Variants in COLEC12 observed in about 807,000 individuals in gnomAD.
COLEC12 encodes the protein collectin subfamily member 12, also known as collectin-12.
In COLEC12, 33 loss-of-function variants were observed where a neutral mutation model predicts 71.1. The ratio of observed to expected loss-of-function variants is 0.46; its 90% confidence interval spans 0.35 to 0.62. The LOEUF is 0.62. Among genes scored for constraint, COLEC12 ranks in the 20% least tolerant of loss-of-function variants. COLEC12 has a pLI of 0.00. For missense variants in COLEC12, 765 were observed against 916.1 expected, an observed-to-expected ratio of 0.84 and a Z score of 2.13; for synonymous variants, 350 against 353.0, an observed-to-expected ratio of 0.99 and a Z score of 0.10.
At chr18:391,339 C>T (rs1390013197) in intron 2 of COLEC12, among the ~76,000 whole-genome samples, 3 of 152,194 alleles carry the variant, frequency 2.0e-5, no homozygotes, top group Non-Finnish European at 4.4e-5. Flanking sequence ...CAGGAAAGAA[C>T]ATTTTACCCT....
intron 2 of COLEC12, among the ~76,000 whole-genome samples, chr18:446,179 A>T (rs910956334): frequency 6.6e-6 from 1 of 152,148 alleles, no homozygotes; most frequent in African/African-American, 2.4e-5. Context: ...CACTCTTATG[A>T]ATAATGCTGT....
intron 2 of COLEC12, among the ~76,000 whole-genome samples, chr18:422,713 C>T (rs537297530): frequency 1.3e-4 from 20 of 152,206 alleles, no homozygotes; most frequent in Non-Finnish European, 2.5e-4. Flanking sequence ...CGTGCACACA[C>T]ACAGAACCTA....
rs1306704171 is a variant in COLEC12 at position 316,836 on chromosome 18, T to C, written c.*3209A>G. On this transcript the variant is annotated 3_prime_UTR_variant, in exon 10 of 10. Transcript: ENST00000400256. Reference sequence around the variant, plus strand: ...AAAAACATTTTCTATCTTCTCATAGTAGTAAGTAGCAACTCAGGTGCCTGA... The same window carrying C: ...AAAAACATTTTCTATCTTCTCATAGCAGTAAGTAGCAACTCAGGTGCCTGA... 1 of 152,178 alleles carries C rather than the reference T, an allele frequency of 6.6e-6. No individual in the cohort carries two copies. The highest frequency in any genetic ancestry group is 1.5e-5 in the Non-Finnish European group (1 of 68,028). 9.4% of individuals were successfully genotyped at this position (152,178 alleles called of 1,614,324 possible).
At chr18:460,505 A>G (rs536455287) in intron 2 of COLEC12, among the ~76,000 whole-genome samples, 5 of 152,296 alleles carry the variant, frequency 3.3e-5, no homozygotes, top group African/African-American at 1.2e-4. Context: ...GTTTTGAATC[A>G]TGATATCACT....
At chr18:392,982 G>C (rs1567894437) in intron 2 of COLEC12, among the ~76,000 whole-genome samples, 1 of 152,210 alleles carries the variant, frequency 6.6e-6, no homozygotes, top group Non-Finnish European at 1.5e-5. Context: ...TGCTTTTTAA[G>C]AGCCCTGTTG....
intron 2 of COLEC12, among the ~76,000 whole-genome samples, chr18:364,947 C>T (rs528193142): frequency 2.6e-5 from 4 of 152,072 alleles, no homozygotes; most frequent in African/African-American, 9.6e-5. Flanking sequence ...GGAGTTGAAC[C>T]CAAATCTTTT....
rs554655331 is a variant in COLEC12 at position 460,896 on chromosome 18, A to G, written c.58+19811T>C. ...GAGGGTCAGAGAAGCGCCGTATCCA[A>G]TTATCACAGGACTTTGCTTTAATGT... On this transcript the variant is annotated intron_variant, in intron 2 of 9. Transcript: ENST00000400256. Among the ~76,000 whole-genome samples the G allele has an allele frequency of 3.3e-5, 5 of 152,314 alleles. No individual in the cohort carries two copies. The South Asian group carries it at 1.0e-3, about 32-fold the overall frequency.
In COLEC12 at chr18:327,981, G is replaced by C. The variant is rs1168770033; in HGVS notation, c.2063+3687C>G. Reference sequence around the variant, plus strand: ...CAATCTCCTTCTTTGTTATTAGGCTGGCCAGGCTATTTCTTCCTTTTTTTT... The same window carrying C: ...CAATCTCCTTCTTTGTTATTAGGCTCGCCAGGCTATTTCTTCCTTTTTTTT... On this transcript the variant is annotated intron_variant, in intron 8 of 9. Coordinates refer to ENST00000400256, the MANE Select transcript of COLEC12 (RefSeq NM_130386.3). This position sits in a 1 kb window ranked among gnomAD's most constrained non-coding sequence, Gnocchi z 4.0. Among the ~76,000 whole-genome samples the C allele has an allele frequency of 6.6e-6, 1 of 152,062 alleles. No individual in the cohort carries two copies. Among genetic ancestry groups the C allele is most frequent in the Non-Finnish European group, 1.5e-5 (1 of 68,006 alleles).
intron 2 of COLEC12, among the ~76,000 whole-genome samples, chr18:432,250 A>T (rs188767491): frequency 5.9e-5 from 9 of 152,228 alleles, no homozygotes; most frequent in Non-Finnish European, 1.5e-5. Context: ...TACATTAAGG[A>T]TCTAGCTCTG....
intron 2 of COLEC12, among the ~76,000 whole-genome samples, chr18:466,798 G>A (rs762336855): frequency 6.6e-6 from 1 of 152,148 alleles, no homozygotes; most frequent in Non-Finnish European, 1.5e-5. Context: ...TATGCAAGGA[G>A]CTGCTCACTC....
intron 2 of COLEC12, among the ~76,000 whole-genome samples, chr18:400,371 AGAG>A: frequency 6.6e-6 from 1 of 152,334 alleles, no homozygotes; most frequent in South Asian, 2.1e-4. Context: ...TTAAGGGAAA[AGAG>A]GGCCCAAGGC....
At position 397,593 on chromosome 18, in the gene COLEC12, A is replaced by T. The variant is rs1040500426; in HGVS notation, c.59-40071T>A. On this transcript the variant is annotated intron_variant, in intron 2 of 9. Transcript: ENST00000400256. ...CTGGCAAAGAGCTTTTGGGAAGGGGAGCAGAAGTGCTACCTTTGCTGTTTT... is the reference window on the plus strand; with the variant it reads ...CTGGCAAAGAGCTTTTGGGAAGGGGTGCAGAAGTGCTACCTTTGCTGTTTT... 5.9e-5 allele frequency among the ~76,000 whole-genome samples: 9 copies of T among 152,116 alleles called. 1 individual carries two copies. The highest frequency in any genetic ancestry group is 2.2e-4 in the African/African-American group (9 of 41,478).
At chr18:431,499 C>T (rs1028174561) in intron 2 of COLEC12, among the ~76,000 whole-genome samples, 1 of 152,212 alleles carries the variant, frequency 6.6e-6, no homozygotes, top group African/African-American at 2.4e-5. Context: ...AATGAATAAC[C>T]TATAGACTGC....
intron 2 of COLEC12, among the ~76,000 whole-genome samples, chr18:429,736 A>C (rs1916265573): frequency 6.6e-6 from 1 of 152,196 alleles, no homozygotes; most frequent in South Asian, 2.1e-4. Context: ...AAAGAGAAAG[A>C]CAACATAGAG....
At chr18:370,062 A>G (rs1175870809) in intron 2 of COLEC12, among the ~76,000 whole-genome samples, 1 of 152,244 alleles carries the variant, frequency 6.6e-6, no homozygotes, top group African/African-American at 2.4e-5. Flanking sequence ...ACTTCATTAC[A>G]TTCATGAGAT....
At chr18:411,911 C>G (rs1327838970) in intron 2 of COLEC12, among the ~76,000 whole-genome samples, 2 of 152,168 alleles carry the variant, frequency 1.3e-5, no homozygotes, top group Non-Finnish European at 2.9e-5. Flanking sequence ...AATGACCAAT[C>G]TGAATAACAG....
Position 392,515 on chromosome 18 carries a change from G to C in COLEC12, c.59-34993C>G, listed in dbSNP as rs140750772. ...ATGTTATATAAATATGTAGGATTTGGTATTTGGCGAAACTTACACTCTCTT... is the reference window on the plus strand; with the variant it reads ...ATGTTATATAAATATGTAGGATTTGCTATTTGGCGAAACTTACACTCTCTT... On this transcript the variant is annotated intron_variant, in intron 2 of 9. Transcript: ENST00000400256. Among the ~76,000 whole-genome samples, 421 of 152,310 alleles carry C rather than the reference G, an allele frequency of 2.8e-3. 1 individual carries two copies. The highest frequency in any genetic ancestry group is 9.4e-3 in the African/African-American group (392 of 41,552).
chr18:442,733 A>T (rs1331792658), intron 2 of COLEC12, among the ~76,000 whole-genome samples: 1 of 152,254 alleles, frequency 6.6e-6, no homozygotes, highest in Non-Finnish European at 1.5e-5. Flanking sequence ...AGGCCAAGGC[A>T]GGCGGATCAC....
At chr18:458,753 T>C (rs1388819702) in intron 2 of COLEC12, among the ~76,000 whole-genome samples, 1 of 152,210 alleles carries the variant, frequency 6.6e-6, no homozygotes, top group East Asian at 1.9e-4. Flanking sequence ...AAGACTTCTC[T>C]CTCCCACGTG....
Sources: gnomAD v4.1 joint callset for allele counts (sites outside exome capture counted in the v4.1 genomes callset) on GRCh38, gnomAD v4.1.1 for gene constraint, Gnocchi (gnomAD v3.1) non-coding constraint, MANE v1.5 for transcripts, NCBI Gene and HGNC (gene_info 2026-07-23, HGNC 2026-07-21) for gene names.